Variants in CENPN observed in about 807,000 individuals in gnomAD.
CENPN encodes interphase centromere complex protein 32.
CENPN carries 36 observed loss-of-function variants against 48.6 expected under a neutral mutation model. That is an observed-to-expected ratio of 0.74 (90% CI 0.57 to 0.98). The LOEUF is 0.98. CENPN is among the 50% of genes least tolerant of loss of function. The pLI, the probability that CENPN is intolerant of heterozygous loss-of-function variation, is 0.00. For missense variants in CENPN, 439 were observed against 399.2 expected (o/e 1.10, Z -0.85); for synonymous variants, 166 against 135.2 (o/e 1.23, Z -1.58).
chr16:81,026,307 G>A (rs899683276), intron 8 of CENPN, among the ~76,000 whole-genome samples: 6 of 151,458 alleles, frequency 4.0e-5, no homozygotes, highest in Non-Finnish European at 7.4e-5. Flanking sequence ...TTATCTCTGG[G>A]TGGTAGAATT....
downstream of CENPN, chr16:81,032,814 C>A: frequency 8.8e-7 from 1 of 1,137,894 alleles, no homozygotes; most frequent in Non-Finnish European, 1.2e-6. Context: ...CCCTTTGTTA[C>A]TCAAATTTGA....
chr16:81,014,246 T>C (rs1969851738), intron 3 of CENPN, 65 bp downstream of exon 3: 1 of 1,403,396 alleles, frequency 7.1e-7, no homozygotes, highest in Admixed American at 1.7e-5. Flanking sequence ...TTTGTTTCTT[T>C]CTTTGTGAGA....
chr16:81,013,516 TAGG>T (rs974606538), intron 2 of CENPN, among the ~76,000 whole-genome samples: 1 of 152,136 alleles, frequency 6.6e-6, no homozygotes, highest in African/African-American at 2.4e-5. Flanking sequence ...TCATTTGGGT[TAGG>T]AGACCAGCCT....
chr16:81,028,792 A>G lies in CENPN; in HGVS notation c.*141A>G, dbSNP rs1970632835. On this transcript the variant is annotated 3_prime_UTR_variant, in exon 11 of 11. Coordinates refer to ENST00000305850, the MANE Select transcript of CENPN (RefSeq NM_001100624.3). ...ATTGAATTTTTAGAAATGCTCACAT[A>G]ATTGTTGGGACTGATTCATTCCTCC... 4 of 1,430,164 alleles carry G rather than the reference A, an allele frequency of 2.8e-6. No homozygotes were observed. Among genetic ancestry groups the G allele is most frequent in the Non-Finnish European group, 3.6e-6 (4 of 1,096,262 alleles). 88.6% of individuals were successfully genotyped at this position (1,430,164 alleles called of 1,614,324 possible).
chr16:81,031,911 A>G (rs957070297), downstream of CENPN, among the ~76,000 whole-genome samples: 3 of 152,078 alleles, frequency 2.0e-5, no homozygotes, highest in African/African-American at 4.8e-5. Flanking sequence ...CCAAAATTCT[A>G]TTTAACTTGA....
At position 81,026,619 on chromosome 16, in the gene CENPN, T is replaced by A; in HGVS notation, c.791T>A (p.Leu264Gln). ...ETFGDYPQPQ[L>Q]EFAQYKLETK... The stretch of plus-strand genomic sequence containing the variant: ...TTTGGAGATTATCCTCAACCACAAC[T>A]AGAATTTGCACAATATAAGGTAAGA... Residue 264 changes from leucine (L) to glutamine (Q), a missense_variant, in exon 9 of 11, where the codon CTA becomes CAA. Coordinates refer to ENST00000305850, the MANE Select transcript of CENPN (RefSeq NM_001100624.3). 6.3e-7 allele frequency: 1 copy of A among 1,580,866 alleles called. No homozygotes were observed. The highest frequency in any genetic ancestry group is 8.7e-7 in the Non-Finnish European group (1 of 1,152,362).
intron 6 of CENPN, among the ~76,000 whole-genome samples, chr16:81,020,944 T>G (rs1970162032): frequency 6.6e-6 from 1 of 151,822 alleles, no homozygotes; most frequent in South Asian, 2.1e-4. Flanking sequence ...ACAAAAAAAT[T>G]AGCCAGGCGT....
At chr16:81,017,268 G>A (rs1304335765) in intron 3 of CENPN, 58 bp from the exon 4 acceptor site, 3 of 1,086,546 alleles carry the variant, frequency 2.8e-6, no homozygotes, top group Non-Finnish European at 1.4e-6. Context: ...ATATCTATAA[G>A]CATATTACTT....
chr16:81,029,987 A>G lies in CENPN; in HGVS notation c.*1336A>G, dbSNP rs575971387. On this transcript the variant is annotated 3_prime_UTR_variant, in exon 11 of 11. Coordinates refer to ENST00000305850, the MANE Select transcript of CENPN (RefSeq NM_001100624.3). ...ACAATCATGGTGGAAGGCAAATGAG[A>G]AGCAAAGTCATGTCTTACATGGCGG... Among the ~76,000 whole-genome samples the G allele has an allele frequency of 4.6e-5, 7 of 152,310 alleles. No homozygotes were observed. The East Asian group carries it at 5.8e-4, about 13-fold the overall frequency.
intron 1 of CENPN, among the ~76,000 whole-genome samples, chr16:81,011,690 A>G (rs1188324394): frequency 6.6e-6 from 1 of 152,218 alleles, no homozygotes; most frequent in African/African-American, 2.4e-5. Flanking sequence ...TGGACCTACA[A>G]ATCAAAATCC....
rs758805606 is a variant in CENPN, at chr16:81,024,729, C to A, written c.648C>A (p.His216Gln). ...TTTTTCCCTAGACCTTTGAAACTCA[C>A]AACTCTACGACACCTCTACAGGAAA... The part of the protein sequence containing the change: ...FKQYNQTFET[H>Q]NSTTPLQERS... The change falls in exon 8 of 11, where the codon CAC becomes CAA. Residue 216 changes from histidine (H) to glutamine (Q), a missense_variant. Coordinates refer to ENST00000305850, the MANE Select transcript of CENPN (RefSeq NM_001100624.3). 3.7e-6 allele frequency: 6 copies of A among 1,608,892 alleles called. No homozygotes were observed. The highest frequency in any genetic ancestry group is 5.1e-6 in the Non-Finnish European group (6 of 1,176,668).
intron 5 of CENPN, among the ~76,000 whole-genome samples, chr16:81,018,571 C>T (rs1367113751): frequency 1.3e-5 from 2 of 152,140 alleles, no homozygotes; most frequent in African/African-American, 4.8e-5. Flanking sequence ...CTGAAGCACC[C>T]TTGATTTTAC....
chr16:81,024,660 A>T, intron 7 of CENPN, 55 bp from the exon 8 acceptor site: 1 of 1,163,628 alleles, frequency 8.6e-7, no homozygotes. Context: ...AAAAAAATTA[A>T]TATCTGTACT....
At position 81,011,912 on chromosome 16, in the gene CENPN, GT is replaced by G; in HGVS notation, c.-10-13del. The G allele has an allele frequency of 6.2e-7, 1 of 1,604,386 alleles. No individual in the cohort carries two copies. Among genetic ancestry groups the G allele is most frequent in the South Asian group, 1.1e-5 (1 of 90,796 alleles). On this transcript the variant is annotated splice_polypyrimidine_tract_variant and intron_variant, in intron 1 of 10. Transcript: ENST00000305850. The stretch of plus-strand genomic sequence containing the variant: ...TATTTGGTTAATACTTTGTTGTGCT[GT>G]TTTTGTTTTGTAAAAGTGCCAAAGA...
In CENPN at chr16:81,030,323, G is replaced by C; in HGVS notation, c.*1672G>C. The C allele has an allele frequency of 1.0e-6, 1 of 985,408 alleles. No individual in the cohort carries two copies. Among genetic ancestry groups the C allele is most frequent in the Non-Finnish European group, 1.2e-6 (1 of 829,916 alleles). 61.0% of individuals were successfully genotyped at this position (985,408 alleles called of 1,614,324 possible). A position where few individuals can be genotyped will look rare whatever the true frequency, so the allele number is the denominator to read the frequency against. On this transcript the variant is annotated 3_prime_UTR_variant, in exon 11 of 11. Coordinates refer to ENST00000305850, the MANE Select transcript of CENPN (RefSeq NM_001100624.3). The stretch of plus-strand genomic sequence containing the variant: ...ACAGAAACACATTAGACTGGGCATG[G>C]TGGCTCACACTTGTAATCCCAGCAC...
chr16:81,026,921 G>C (rs1287215947), intron 9 of CENPN, among the ~76,000 whole-genome samples: 1 of 151,996 alleles, frequency 6.6e-6, no homozygotes, highest in Non-Finnish European at 1.5e-5. Context: ...CTCCCGAGTA[G>C]CTGGGATTAC....
rs963818773 is a variant in CENPN, at chr16:81,029,019, G to C, written c.*368G>C. The C allele has an allele frequency of 1.2e-5, 12 of 991,994 alleles. No individual in the cohort carries two copies. In the African/African-American group the frequency reaches 2.1e-4, roughly 17 times the overall value. 61.4% of individuals were successfully genotyped at this position (991,994 alleles called of 1,614,324 possible). On this transcript the variant is annotated 3_prime_UTR_variant, in exon 11 of 11. Transcript: ENST00000305850. ...CTCTTCTCAATTCTGGAGAGGTCTG[G>C]TTCCAGTGGCTGGTTTCCAGGGATT...
At chr16:81,026,465 G>T (rs1244011159) in intron 8 of CENPN, 61 bp from the exon 9 acceptor site, 63 of 745,574 alleles carry the variant, frequency 8.4e-5, no homozygotes, top group Admixed American at 4.5e-4. Context: ...ATGAAAGGAG[G>T]ATAATTTAAG....
intron 3 of CENPN, chr16:81,016,967 G>A (rs1455874349): frequency 6.2e-4 from 153 of 246,934 alleles, no homozygotes; most frequent in Non-Finnish European, 1.1e-4. Context: ...CCAGGCAGAG[G>A]AACAGCTGGC....
Sources: allele counts gnomAD v4.1 joint callset (sites outside exome capture counted in the v4.1 genomes callset), GRCh38; gene constraint gnomAD v4.1.1; transcripts MANE v1.5; gene names NCBI Gene and HGNC (gene_info 2026-07-23, HGNC 2026-07-21).